SH3KBP1: variants seen among roughly 807,000 people sequenced by gnomAD.
SH3KBP1 encodes the protein SH3 domain containing kinase binding protein 1, also known as SH3 domain-containing kinase-binding protein 1.
In SH3KBP1, 8 loss-of-function variants were observed where a neutral mutation model predicts 50.1. The observed-to-expected ratio is 0.16, with a 90% CI of 0.09 to 0.29. The LOEUF (loss-of-function observed/expected upper bound fraction) is 0.29. SH3KBP1 is among the 10% of genes least tolerant of loss of function. The probability of loss-of-function intolerance (pLI) is 1.00; values close to 1 mark genes in which losing one functional copy is unlikely to be tolerated. For synonymous variants in SH3KBP1, 227 were observed against 218.6 expected, an observed-to-expected ratio of 1.04 and a Z score of -0.34; for missense variants, 377 against 535.2, an observed-to-expected ratio of 0.70 and a Z score of 2.92.
chrX:19,865,460 A>G (rs923181449), intron 1 of SH3KBP1, among the ~76,000 whole-genome samples: 30 of 111,436 alleles, frequency 2.7e-4, no homozygotes, highest in African/African-American at 8.8e-4. Flanking sequence ...GAAGGTCAGC[A>G]CTCCCTATTT....
chrX:19,550,196 C>A lies in SH3KBP1; in HGVS notation c.1385-113G>T, dbSNP rs1340895369. 3 of 512,262 alleles carry A rather than the reference C, an allele frequency of 5.9e-6. No individual in the cohort carries two copies. The East Asian group carries it at 1.1e-4, about 18-fold the overall frequency. The allele number at this position is 512,262 out of a possible 1,213,427, so 42.2% of individuals were successfully genotyped here. On this transcript the variant is annotated intron_variant, in intron 13 of 17. Coordinates refer to ENST00000397821, the MANE Select transcript of SH3KBP1 (RefSeq NM_031892.3). ...AATCCTTTCTGTCTGGATTACACTTCATCTTTTACAAAGGCTGTTTACGTC... is the reference window on the plus strand; with the variant it reads ...AATCCTTTCTGTCTGGATTACACTTAATCTTTTACAAAGGCTGTTTACGTC...
chrX:19,667,366 G>A (rs2062624255), intron 6 of SH3KBP1, among the ~76,000 whole-genome samples: 1 of 112,144 alleles, frequency 8.9e-6, no homozygotes, highest in South Asian at 3.7e-4. Flanking sequence ...GCTCATGCCT[G>A]TAATCCCAGC....
intron 2 of SH3KBP1, among the ~76,000 whole-genome samples, chrX:19,773,309 T>C (rs72616091): frequency 0.18 from 19,561 of 110,563 alleles, 1,482 homozygotes; most frequent in African/African-American, 0.28. Flanking sequence ...TATTCAAATT[T>C]AGCACAATGT....
intron 6 of SH3KBP1, among the ~76,000 whole-genome samples, chrX:19,656,985 A>G (rs1427333911): frequency 3.6e-5 from 4 of 112,181 alleles, no homozygotes; most frequent in Non-Finnish European, 7.5e-5. Context: ...AGAAATTTCC[A>G]GAGCTTTTCT....
Position 19,550,014 on chromosome X carries a change from T to C in SH3KBP1, c.1454A>G (p.Lys485Arg). 1.7e-6 allele frequency: 2 copies of C among 1,210,604 alleles called. No individual in the cohort carries two copies. The highest frequency in any genetic ancestry group is 1.8e-5 in the South Asian group (1 of 56,866). The change falls in exon 14 of 18, where the codon AAA (lysine) becomes AGA (arginine). Residue 485 changes from lysine (K) to arginine (R), a missense_variant. Lys to Arg is a conservative substitution (Grantham distance 26, BLOSUM62 2). Around this residue, in one of 3 missense-constraint regions of SH3KBP1, gnomAD observed 10 missense variants for 36.9 expected, o/e 0.27. Transcript: ENST00000397821. ...KLSHPTTSRP[K>R]ATGRRPPSQS... ...GGACGGAGGCCGCCTCCCTGTAGCTTTTGGTCTGCTTGTGGTCGGATGACT... is the reference window on the plus strand; with the variant it reads ...GGACGGAGGCCGCCTCCCTGTAGCTCTTGGTCTGCTTGTGGTCGGATGACT...
chrX:19,837,310 A>G (rs965814555), intron 1 of SH3KBP1, among the ~76,000 whole-genome samples: 1 of 111,756 alleles, frequency 8.9e-6, no homozygotes, highest in African/African-American at 3.3e-5. Context: ...GTAATGAGCA[A>G]AGGCAACAGG....
intron 15 of SH3KBP1, 74 bp downstream of exon 15, chrX:19,545,848 T>TTG: frequency 1.8e-6 from 2 of 1,093,877 alleles, no homozygotes; most frequent in Non-Finnish European, 2.5e-6. Context: ...TTGTGTATCT[T>TTG]TGTTTGGTTT....
intron 1 of SH3KBP1, among the ~76,000 whole-genome samples, chrX:19,859,224 C>T (rs764584865): frequency 3.6e-5 from 4 of 110,613 alleles, no homozygotes; most frequent in Non-Finnish European, 7.6e-5. Context: ...TCTCGGCTCA[C>T]TGCAACCTCT....
chrX:19,701,180 T>A (rs1470135262), intron 4 of SH3KBP1, among the ~76,000 whole-genome samples: 1 of 111,490 alleles, frequency 9.0e-6, no homozygotes, highest in Non-Finnish European at 1.9e-5. Context: ...GTGAGTCCAA[T>A]ACTAAGGTCT....
intron 5 of SH3KBP1, among the ~76,000 whole-genome samples, chrX:19,691,327 T>G (rs867975757): frequency 0.02 from 1,376 of 69,728 alleles, 25 homozygotes; most frequent in African/African-American, 0.13. Context: ...TCTCTGTCGC[T>G]CTCTCTCTCT....
chrX:19,874,068 A>AATATATATATATAT (rs1412019430), intron 1 of SH3KBP1, among the ~76,000 whole-genome samples: 1 of 57,033 alleles, frequency 1.8e-5, no homozygotes, highest in African/African-American at 1.6e-4. Context: ...AAAAAAAAAA[A>AATATATATATATAT]ATATATATAT....
chrX:19,552,892 G>A (rs767346055), intron 13 of SH3KBP1, among the ~76,000 whole-genome samples: 5 of 109,181 alleles, frequency 4.6e-5, no homozygotes, highest in Non-Finnish European at 9.5e-5. Flanking sequence ...TTGGCCAAGC[G>A]GAGGAGTGGA....
At position 19,867,382 on chromosome X, in the gene SH3KBP1, G is replaced by A. The variant is rs2068938972; in HGVS notation, c.4+19925C>T. 2.7e-5 allele frequency among the ~76,000 whole-genome samples: 3 copies of A among 111,744 alleles called. No homozygotes were observed. The South Asian group carries it at 1.1e-3, about 42-fold the overall frequency. On this transcript the variant is annotated intron_variant, in intron 1 of 17. Coordinates refer to ENST00000397821, the MANE Select transcript of SH3KBP1 (RefSeq NM_031892.3). ...AAATCGGATTTCCTTGCATTTTCCA[G>A]CAGACCAAGTAAAACAAAGATAAAT...
intron 6 of SH3KBP1, among the ~76,000 whole-genome samples, chrX:19,656,175 A>C (rs1412375935): frequency 9.0e-6 from 1 of 111,483 alleles, no homozygotes; most frequent in Non-Finnish European, 1.9e-5. Flanking sequence ...AAAGGCCAGC[A>C]AGGTAAGTTA....
chrX:19,561,982 G>A (rs1025654996), intron 13 of SH3KBP1, among the ~76,000 whole-genome samples: 12 of 109,905 alleles, frequency 1.1e-4, no homozygotes, highest in East Asian at 5.7e-4. Flanking sequence ...TCCAACCTTC[G>A]CTTGCCACCA....
At chrX:19,770,926 A>G (rs993987573) in intron 2 of SH3KBP1, among the ~76,000 whole-genome samples, 1 of 111,547 alleles carries the variant, frequency 9.0e-6, no homozygotes, top group Non-Finnish European at 1.9e-5. Context: ...ACACGTGCTG[A>G]ATATTAGACC....
At chrX:19,592,787 A>G (rs2066789337) in intron 10 of SH3KBP1, among the ~76,000 whole-genome samples, 1 of 112,487 alleles carries the variant, frequency 8.9e-6, no homozygotes, top group Non-Finnish European at 1.9e-5. Flanking sequence ...TACCCTGGAG[A>G]GGCCACATAC....
intron 2 of SH3KBP1, among the ~76,000 whole-genome samples, chrX:19,787,599 A>G (rs1364012913): frequency 8.9e-6 from 1 of 111,958 alleles, no homozygotes; most frequent in African/African-American, 3.3e-5. Flanking sequence ...CTCAATTCAC[A>G]GGCACAAAAT....
chrX:19,707,766 C>T (rs1454490704), intron 3 of SH3KBP1, among the ~76,000 whole-genome samples: 1 of 112,124 alleles, frequency 8.9e-6, no homozygotes, highest in Non-Finnish European at 1.9e-5. Flanking sequence ...ACACAACTGT[C>T]CACAGCATAT....
Sources: gnomAD v4.1 joint callset for allele counts (sites outside exome capture counted in the v4.1 genomes callset) on GRCh38, gnomAD v4.1.1 for gene constraint, gnomAD v4.1.1 regional missense constraint, MANE v1.5 for transcripts, NCBI Gene and HGNC (gene_info 2026-07-23, HGNC 2026-07-21) for gene names.